EFCAB5: variants seen among roughly 807,000 people sequenced by gnomAD.
EFCAB5 encodes the protein EF-hand calcium-binding domain-containing protein 5.
EFCAB5 carries 131 observed loss-of-function variants against 167.9 expected under a neutral mutation model. The observed-to-expected ratio is 0.78, with a 90% CI of 0.68 to 0.90. The LOEUF (loss-of-function observed/expected upper bound fraction) is 0.90, where lower values mean the gene tolerates loss of function less well. EFCAB5 is among the 40% of genes least tolerant of loss of function. The pLI is 0.00. For synonymous variants in EFCAB5, 574 were observed against 602.8 expected (o/e 0.95, Z 0.70); for missense variants, 1,663 against 1,745.2 (o/e 0.95, Z 0.84).
chr17:30,012,351 C>T (rs561553313), intron 7 of EFCAB5, among the ~76,000 whole-genome samples: 13 of 152,292 alleles, frequency 8.5e-5, no homozygotes, highest in East Asian at 5.8e-4. Context: ...TCAGTGGTCA[C>T]GCTCCTAGTC....
At chr17:30,059,829 T>C in intron 14 of EFCAB5, 128 bp downstream of exon 14, 3 of 608,644 alleles carry the variant, frequency 4.9e-6, no homozygotes, top group Non-Finnish European at 7.5e-6. Context: ...TCTACCAGTA[T>C]AGATATACAT....
At chr17:29,962,673 C>T (rs1418912414) in intron 3 of EFCAB5, among the ~76,000 whole-genome samples, 1 of 143,122 alleles carries the variant, frequency 7.0e-6, no homozygotes, top group Non-Finnish European at 1.5e-5. Flanking sequence ...CGGTATGTTG[C>T]CCTATTGAAT....
intron 14 of EFCAB5, among the ~76,000 whole-genome samples, chr17:30,062,132 A>C (rs1024174103): frequency 1.3e-5 from 2 of 152,202 alleles, no homozygotes; most frequent in Non-Finnish European, 2.9e-5. Flanking sequence ...ACATTTTGGA[A>C]ACATTTATTT....
chr17:30,067,706 C>T (rs117388583), intron 14 of EFCAB5, among the ~76,000 whole-genome samples: 265 of 152,222 alleles, frequency 1.7e-3, no homozygotes, highest in South Asian at 0.015. Context: ...AAAGGCCATA[C>T]ATAACAAAGG....
intron 7 of EFCAB5, among the ~76,000 whole-genome samples, chr17:30,013,508 A>G (rs1461133600): frequency 5.3e-5 from 8 of 152,186 alleles, no homozygotes; most frequent in Non-Finnish European, 4.4e-5. Context: ...CAGAGATTCA[A>G]CTTCTTCCTG....
intron 7 of EFCAB5, among the ~76,000 whole-genome samples, chr17:30,001,665 T>A (rs1458550280): frequency 6.6e-6 from 1 of 152,146 alleles, no homozygotes; most frequent in African/African-American, 2.4e-5. Flanking sequence ...CCATAAAAGA[T>A]AATATAAGTT....
At chr17:30,088,276 A>T (rs555263984) in intron 19 of EFCAB5, among the ~76,000 whole-genome samples, 52 of 152,154 alleles carry the variant, frequency 3.4e-4, no homozygotes, top group African/African-American at 1.2e-3. Flanking sequence ...GTATTTGCTA[A>T]GCCCAGCTCA....
At chr17:29,972,507 T>A (rs1406955310) in intron 4 of EFCAB5, 1 of 152,360 alleles carries the variant, frequency 6.6e-6, no homozygotes, top group Non-Finnish European at 1.5e-5. Context: ...AGACATCACC[T>A]GCAGCCTCTT....
intron 6 of EFCAB5, 57 bp from the exon 7 acceptor site, chr17:29,999,849 T>C (rs1364909418): frequency 7.9e-7 from 1 of 1,261,708 alleles, no homozygotes; most frequent in African/African-American, 1.5e-5. Context: ...ATAGTATAAA[T>C]ATCAAATATA....
At chr17:30,082,390 C>CTTTTTTT (rs71138871) in intron 17 of EFCAB5, among the ~76,000 whole-genome samples, 32 of 98,252 alleles carry the variant, frequency 3.3e-4, no homozygotes, top group Non-Finnish European at 4.4e-4. Context: ...CTTTATACCT[C>CTTTTTTT]TTTTTTTTTT....
chr17:29,939,749 A>G (rs527999643), upstream of EFCAB5, among the ~76,000 whole-genome samples: 2 of 152,298 alleles, frequency 1.3e-5, no homozygotes, highest in African/African-American at 4.8e-5. Context: ...CACAGAATTG[A>G]AGAGAAGTTA....
At chr17:30,100,223 T>A (rs376826788) in intron 22 of EFCAB5, among the ~76,000 whole-genome samples, 60 of 152,328 alleles carry the variant, frequency 3.9e-4, no homozygotes, top group African/African-American at 1.4e-3. Flanking sequence ...GCTATCCATG[T>A]GGCAGGCCCT....
In EFCAB5 at chr17:30,092,171, T is replaced by A. The variant is rs190565682; in HGVS notation, c.4224+14T>A. 2,755 of 1,594,708 alleles carry A rather than the reference T, an allele frequency of 1.7e-3. 25 individuals carry two copies. Among genetic ancestry groups the A allele is most frequent in the Admixed American group, 0.017 (949 of 56,144 alleles). Reference sequence around the variant, plus strand: ...AAGTGTAAATTTGTAAGTTTTTTTTTAAAAAGCACCTTTTAAATTGAAGAA... The same window carrying A: ...AAGTGTAAATTTGTAAGTTTTTTTTAAAAAAGCACCTTTTAAATTGAAGAA... On this transcript the variant is annotated intron_variant, in intron 21 of 22. Coordinates refer to ENST00000394835, the MANE Select transcript of EFCAB5 (RefSeq NM_198529.4).
intron 22 of EFCAB5, among the ~76,000 whole-genome samples, chr17:30,093,795 C>T (rs1440390713): frequency 6.6e-6 from 1 of 152,176 alleles, no homozygotes; most frequent in African/African-American, 2.4e-5. Flanking sequence ...GTGTTAACCA[C>T]AGTCTCCGCA....
chr17:29,934,946 C>T (rs578204570), intron 1 of EFCAB5, among the ~76,000 whole-genome samples: 48 of 151,898 alleles, frequency 3.2e-4, no homozygotes, highest in Non-Finnish European at 6.3e-4. Context: ...TCATTCATTG[C>T]ATACCAAATG....
At position 29,969,422 on chromosome 17, in the gene EFCAB5, G is replaced by T. The variant is rs114660982; in HGVS notation, c.767+55G>T. 3,158 of 1,401,328 alleles carry T rather than the reference G, an allele frequency of 2.3e-3. 29 individuals carry two copies. In the African/African-American group the frequency reaches 0.024, roughly 11 times the overall value. 86.8% of individuals were successfully genotyped at this position (1,401,328 alleles called of 1,614,324 possible). A position where few individuals can be genotyped will look rare whatever the true frequency, so the allele number is the denominator to read the frequency against. On this transcript the variant is annotated intron_variant, in intron 4 of 22. Coordinates refer to ENST00000394835, the MANE Select transcript of EFCAB5 (RefSeq NM_198529.4). ...TCTGTCTCCTTACATTGAAAAACTA[G>T]TAGAAAAAATAACATAATCATGGAC...
chr17:30,056,228 T>A, intron 12 of EFCAB5, 72 bp downstream of exon 12: 1 of 1,365,410 alleles, frequency 7.3e-7, no homozygotes, highest in Non-Finnish European at 1.0e-6. Context: ...TGGTACTCGA[T>A]GATAAAGACT....
intron 4 of EFCAB5, among the ~76,000 whole-genome samples, chr17:29,991,020 G>C (rs1266599020): frequency 1.3e-5 from 2 of 152,052 alleles, no homozygotes; most frequent in Non-Finnish European, 2.9e-5. Context: ...TCACCTCTTC[G>C]GTTACTTCAT....
intron 22 of EFCAB5, among the ~76,000 whole-genome samples, chr17:30,096,677 A>ATATATATATATATTTTTTTT (rs1193558323): frequency 1.7e-5 from 1 of 60,122 alleles, no homozygotes; most frequent in African/African-American, 8.4e-5. Flanking sequence ...ATATATATAT[A>ATATATATATATATTTTTTTT]TTTTTTTTTT....
Sources: gnomAD v4.1 joint callset for allele counts (sites outside exome capture counted in the v4.1 genomes callset) on GRCh38, gnomAD v4.1.1 for gene constraint, MANE v1.5 for transcripts, NCBI Gene and HGNC (gene_info 2026-07-23, HGNC 2026-07-21) for gene names.